The following TECTA variants were observed in gnomAD, a reference collection of about 807,000 sequenced individuals.
TECTA encodes tectorin alpha, also known as alpha-tectorin.
TECTA carries 128 observed loss-of-function variants against 216.8 expected under a neutral mutation model. The ratio of observed to expected loss-of-function variants is 0.59; its 90% confidence interval spans 0.51 to 0.68. The LOEUF (loss-of-function observed/expected upper bound fraction) is 0.68, where lower values mean the gene tolerates loss of function less well. TECTA is among the 30% of genes least tolerant of loss of function. The pLI, the probability that TECTA is intolerant of heterozygous loss-of-function variation, is 0.00. For missense variants in TECTA, 2,551 were observed against 2,786.2 expected (o/e 0.92, Z 1.90); for synonymous variants, 1,089 against 1,117.1 (o/e 0.97, Z 0.50).
intron 20 of TECTA, among the ~76,000 whole-genome samples, chr11:121,173,041 T>G (rs1228225786): frequency 1.3e-5 from 2 of 151,722 alleles, no homozygotes; most frequent in Non-Finnish European, 2.9e-5. Flanking sequence ...GGGTTGTTTG[T>G]TTTTTTCTTG....
chr11:121,122,205 G>C (rs1170937229), intron 7 of TECTA, among the ~76,000 whole-genome samples: 3 of 152,140 alleles, frequency 2.0e-5, no homozygotes, highest in African/African-American at 7.2e-5. Context: ...ATGGTATAAG[G>C]AGGTGGGACC....
chr11:121,182,727 G>T (rs924546155), intron 20 of TECTA, among the ~76,000 whole-genome samples: 4 of 151,808 alleles, frequency 2.6e-5, no homozygotes, highest in African/African-American at 4.8e-5. Context: ...GACACACTTG[G>T]TTGCCAGTGG....
intron 20 of TECTA, among the ~76,000 whole-genome samples, chr11:121,182,273 G>A (rs935795399): frequency 6.6e-6 from 1 of 151,946 alleles, no homozygotes; most frequent in African/African-American, 2.4e-5. Context: ...ATCAGTGATG[G>A]CAGTAGCAGC....
intron 12 of TECTA, among the ~76,000 whole-genome samples, chr11:121,149,210 C>G (rs941688120): frequency 5.3e-5 from 8 of 152,228 alleles, no homozygotes. Flanking sequence ...GCTCCTAAGA[C>G]AGTGCTCTCC....
chr11:121,132,594 C>G (rs1175113097), intron 10 of TECTA, among the ~76,000 whole-genome samples: 1 of 152,202 alleles, frequency 6.6e-6, no homozygotes, highest in South Asian at 2.1e-4. Flanking sequence ...TATACACACC[C>G]TCCATACACA....
rs1946634490 is a variant in TECTA at position 121,128,205 on chromosome 11, G to T, written c.2228G>T (p.Cys743Phe). 10 of 1,605,038 alleles carry T rather than the reference G, an allele frequency of 6.2e-6. No homozygotes were observed. In the East Asian group the frequency reaches 2.0e-4, roughly 32 times the overall value. The change falls in exon 9 of 24, where the codon TGC becomes TTC. Residue 743 changes from cysteine (C) to phenylalanine (F), a missense_variant. This residue lies in a region of TECTA where 2,375 missense variants were observed against 2,563.9 expected (regional missense o/e 0.93). Coordinates refer to ENST00000392793, the MANE Select transcript of TECTA (RefSeq NM_005422.4). ...SEFSYTLLKT[C>F]PERPEYLEID... ...TTCTCCTACACCCTCCTGAAGACCT[G>T]CCCTGAGCGCCCAGAGTACTTGGAA...
At chr11:121,178,537 TGTGTGTGTG>T (rs1947193406) in intron 20 of TECTA, among the ~76,000 whole-genome samples, 2 of 148,436 alleles carry the variant, frequency 1.3e-5, no homozygotes, top group Admixed American at 1.3e-4. Context: ...TGTGTGTGTG[TGTGTGTGTG>T]TGTGTGTGTG....
chr11:121,118,518 G>A lies in TECTA; in HGVS notation c.1003G>A (p.Gly335Ser), dbSNP rs150286595. ...GGAGCCACACTACCACACTTTTGAC[G>A]GCTTCCTCTTCCACTTCCAAGGCTC... ...FGEPHYHTFD[G>S]FLFHFQGSCA... The change falls in exon 7 of 24, where the codon GGC becomes AGC. Residue 335 changes from glycine (G) to serine (S), a missense_variant. Gly to Ser is a moderately conservative substitution (Grantham distance 56, BLOSUM62 0). This residue lies in a region of TECTA where 2,375 missense variants were observed against 2,563.9 expected (regional missense o/e 0.93). Transcript: ENST00000392793. 18 of 1,614,030 alleles carry A rather than the reference G, an allele frequency of 1.1e-5. No individual in the cohort carries two copies. Among genetic ancestry groups the A allele is most frequent in the South Asian group, 2.2e-5 (2 of 91,088 alleles).
chr11:121,168,026 C>A, intron 18 of TECTA, 28 bp from the exon 19 acceptor site: 1 of 1,613,960 alleles, frequency 6.2e-7, no homozygotes, highest in Non-Finnish European at 8.5e-7. Context: ...CCAGATGTAA[C>A]GATTTCTGAC....
At chr11:121,188,415 G>A (rs1947309006) in intron 21 of TECTA, among the ~76,000 whole-genome samples, 1 of 152,200 alleles carries the variant, frequency 6.6e-6, no homozygotes. Flanking sequence ...CTGCACTAGA[G>A]TCTCAAGGAG....
At chr11:121,106,087 G>A (rs1189401031) in intron 3 of TECTA, 123 bp downstream of exon 3, 2 of 1,451,254 alleles carry the variant, frequency 1.4e-6, no homozygotes, top group East Asian at 2.3e-5. Flanking sequence ...CAGCCAAAAC[G>A]ACAAGTTCTG....
chr11:121,134,573 T>C (rs1249781867), intron 10 of TECTA, among the ~76,000 whole-genome samples: 2 of 140,350 alleles, frequency 1.4e-5, no homozygotes, highest in Non-Finnish European at 3.1e-5. Flanking sequence ...TTTCCCAAAG[T>C]CTTTTTTTTT....
rs924977530 is a variant in TECTA at position 121,118,686 on chromosome 11, C to G, written c.1171C>G (p.Leu391Val). Reference sequence around the variant, plus strand: ...AGTGGAGGTGAATGGCTACAAGATTCTCATCCCCAAAGGAAGCTATGGAAG... The same window carrying G: ...AGTGGAGGTGAATGGCTACAAGATTGTCATCCCCAAAGGAAGCTATGGAAG... ...LSVEVNGYKI[L>V]IPKGSYGRVK... is the part of the protein sequence containing the mutation. The change falls in exon 7 of 24, where the codon CTC (leucine) becomes GTC (valine). Residue 391 changes from leucine to valine, a missense_variant. This residue lies in a region of TECTA where 2,375 missense variants were observed against 2,563.9 expected (regional missense o/e 0.93). Coordinates refer to ENST00000392793, the MANE Select transcript of TECTA (RefSeq NM_005422.4). 1 of 1,613,930 alleles carries G rather than the reference C, an allele frequency of 6.2e-7. No individual in the cohort carries two copies. Among genetic ancestry groups the G allele is most frequent in the Non-Finnish European group, 8.5e-7 (1 of 1,180,026 alleles).
At chr11:121,171,256 C>A (rs759016639) in intron 20 of TECTA, among the ~76,000 whole-genome samples, 3 of 152,030 alleles carry the variant, frequency 2.0e-5, no homozygotes, top group African/African-American at 7.2e-5. Flanking sequence ...GGATTTATTT[C>A]TGAGTTCTGT....
Position 121,124,603 on chromosome 11 carries a change from G to A in TECTA, c.1204-699G>A, listed in dbSNP as rs144290987. On this transcript the variant is annotated intron_variant, in intron 7 of 23. Coordinates refer to ENST00000392793, the MANE Select transcript of TECTA (RefSeq NM_005422.4). ...AGTTAAAGAGTATGCTGTAAGTATC[G>A]ATGCATGTCCCTCTTCTTCAGCAGA... Among the ~76,000 whole-genome samples, 85 of 152,290 alleles carry A rather than the reference G, an allele frequency of 5.6e-4. 1 individual carries two copies. The East Asian group carries it at 5.6e-3, about 10-fold the overall frequency.
chr11:121,173,407 T>G (rs1156308383), intron 20 of TECTA, among the ~76,000 whole-genome samples: 1 of 143,886 alleles, frequency 6.9e-6, no homozygotes, highest in East Asian at 2.0e-4. Flanking sequence ...TTTCTACATA[T>G]GGCTAGCCAG....
In TECTA at chr11:121,128,244, A is replaced by G. The variant is rs145176230; in HGVS notation, c.2267A>G (p.Lys756Arg). The G allele has an allele frequency of 1.0e-5, 16 of 1,600,562 alleles. No individual in the cohort carries two copies. The African/African-American group carries it at 1.7e-4, about 17-fold the overall frequency. The change falls in exon 9 of 24, where the codon AAG becomes AGG. Residue 756 changes from lysine (K) to arginine (R), a missense_variant. Physicochemically the swap from Lys to Arg is conservative, Grantham distance 26 (BLOSUM62 2). Around this residue, in one of 3 missense-constraint regions of TECTA, gnomAD observed 2,375 missense variants for 2,563.9 expected, o/e 0.93. Coordinates refer to ENST00000392793, the MANE Select transcript of TECTA (RefSeq NM_005422.4). ...RPEYLEIDIN[K>R]KKPDAGPAWL... ...GAGTACTTGGAAATCGACATCAACA[A>G]GAAGAAGCCCGATGCAGGACCTGCT...
Position 121,105,914 on chromosome 11 carries a change from A to C in TECTA, c.148A>C (p.Lys50Gln). ...KVDDGSSSEI[K>Q]LAIPVFFFGV... ...AGATGATGGAAGCTCATCTGAGATT[A>C]AGTTGGCCATCCCAGTTTTCTTCTT... is the stretch of plus-strand genomic sequence containing the variant. Residue 50 changes from lysine (K) to glutamine (Q), a missense_variant, in exon 3 of 24, where the codon AAG becomes CAG. Coordinates refer to ENST00000392793, the MANE Select transcript of TECTA (RefSeq NM_005422.4). The surrounding 1 kb of genome is among the most constrained non-coding windows in gnomAD (Gnocchi z 5.3). 1.2e-6 allele frequency: 2 copies of C among 1,614,208 alleles called. No individual in the cohort carries two copies. Among genetic ancestry groups the C allele is most frequent in the Non-Finnish European group, 1.7e-6 (2 of 1,180,032 alleles).
At chr11:121,128,898 T>TTG in intron 9 of TECTA, among the ~76,000 whole-genome samples, 1 of 152,242 alleles carries the variant, frequency 6.6e-6, no homozygotes, top group Non-Finnish European at 1.5e-5. Context: ...CCCAGACTTA[T>TTG]AGATCCTTAG....
Sources: allele counts gnomAD v4.1 joint callset (sites outside exome capture counted in the v4.1 genomes callset), GRCh38; gene constraint gnomAD v4.1.1; regional missense constraint gnomAD v4.1.1; non-coding constraint Gnocchi (gnomAD v3.1); transcripts MANE v1.5; gene names NCBI Gene and HGNC (gene_info 2026-07-23, HGNC 2026-07-21).